Variants in SDK1 observed in about 807,000 individuals in gnomAD.
SDK1 encodes protein sidekick-1.
A neutral mutation model predicts 245.5 loss-of-function variants in SDK1; 157 were observed. The ratio of observed to expected loss-of-function variants is 0.64; its 90% confidence interval spans 0.56 to 0.73. The LOEUF is 0.73. Among genes scored for constraint, SDK1 ranks in the 30% least tolerant of loss-of-function variants. The pLI is 0.00. For missense variants in SDK1, 3,583 were observed against 3,002.3 expected, an observed-to-expected ratio of 1.19 and a Z score of -4.52; for synonymous variants, 1,647 against 1,278.5, an observed-to-expected ratio of 1.29 and a Z score of -6.15.
In SDK1 at chr7:4,135,785, T is replaced by G. The variant is rs113605464; in HGVS notation, c.4228+3362T>G. Among the ~76,000 whole-genome samples the G allele has an allele frequency of 1.4e-3, 217 of 152,290 alleles. 3 individuals are homozygous for G. Among genetic ancestry groups the G allele is most frequent in the African/African-American group, 4.9e-3 (204 of 41,564 alleles). On this transcript the variant is annotated intron_variant, in intron 28 of 44. Transcript: ENST00000404826. Reference sequence around the variant, plus strand: ...TGCTGAGTAAACGTTAGCTTCCGTATCAGATCGAATATTTCATCGTTTCCC... The same window carrying G: ...TGCTGAGTAAACGTTAGCTTCCGTAGCAGATCGAATATTTCATCGTTTCCC...
chr7:4,086,600 C>G (rs762592792), intron 22 of SDK1, among the ~76,000 whole-genome samples: 1 of 152,150 alleles, frequency 6.6e-6, no homozygotes, highest in Non-Finnish European at 1.5e-5. Flanking sequence ...GTCAAGTCCT[C>G]TCAGACTCTG....
chr7:4,201,024 A>T (rs1390849500), intron 35 of SDK1, among the ~76,000 whole-genome samples: 2 of 152,208 alleles, frequency 1.3e-5, no homozygotes, highest in Non-Finnish European at 2.9e-5. Flanking sequence ...CCTGGTGGGC[A>T]GGGCAGATGG....
At chr7:3,750,157 T>A (rs1212224758) in intron 4 of SDK1, among the ~76,000 whole-genome samples, 1 of 152,216 alleles carries the variant, frequency 6.6e-6, no homozygotes. Context: ...AAAAATCACT[T>A]CTTCGTATTT....
chr7:4,019,380 C>G (rs1786683481), intron 17 of SDK1, among the ~76,000 whole-genome samples: 1 of 152,188 alleles, frequency 6.6e-6, no homozygotes, highest in Non-Finnish European at 1.5e-5. Context: ...GTCAGTAGGA[C>G]TTGAGATTTC....
chr7:3,653,965 T>C (rs1245287985), intron 4 of SDK1, among the ~76,000 whole-genome samples: 1 of 152,118 alleles, frequency 6.6e-6, no homozygotes, highest in Non-Finnish European at 1.5e-5. Flanking sequence ...TGTTCAGAGA[T>C]GGAGAGTATA....
intron 4 of SDK1, among the ~76,000 whole-genome samples, chr7:3,789,384 G>A (rs925686792): frequency 1.3e-5 from 2 of 152,202 alleles, no homozygotes; most frequent in Admixed American, 6.5e-5. Flanking sequence ...CCGACCTCAG[G>A]TGATCCACTC....
intron 5 of SDK1, among the ~76,000 whole-genome samples, chr7:3,869,316 C>T (rs1166933388): frequency 2.0e-5 from 3 of 152,002 alleles, no homozygotes; most frequent in African/African-American, 7.2e-5. Flanking sequence ...TCACCAGGCC[C>T]AGCTAATTTT....
intron 1 of SDK1, among the ~76,000 whole-genome samples, chr7:3,317,452 T>C (rs919974008): frequency 1.3e-5 from 2 of 152,176 alleles, no homozygotes; most frequent in African/African-American, 4.8e-5. Context: ...TTTCCCTGTT[T>C]CCTTTAGATG....
intron 39 of SDK1, 65 bp from the exon 40 acceptor site, chr7:4,221,174 C>CA: frequency 6.3e-7 from 1 of 1,590,680 alleles, no homozygotes; most frequent in Non-Finnish European, 8.5e-7. Flanking sequence ...TGTGAAATCT[C>CA]ACGGGGTGGG....
chr7:3,931,373 A>G (rs1459757767), intron 5 of SDK1, among the ~76,000 whole-genome samples: 1 of 152,192 alleles, frequency 6.6e-6, no homozygotes, highest in Non-Finnish European at 1.5e-5. Context: ...TTCCTCTGCC[A>G]TGGTTTTAGA....
chr7:4,072,264 T>G (rs1247197121), intron 20 of SDK1, among the ~76,000 whole-genome samples: 1 of 152,198 alleles, frequency 6.6e-6, no homozygotes, highest in East Asian at 1.9e-4. Flanking sequence ...GCAGCAAAGT[T>G]GCAGTGAGAG....
chr7:3,656,903 G>A (rs1037227991), intron 4 of SDK1, among the ~76,000 whole-genome samples: 3 of 151,946 alleles, frequency 2.0e-5, no homozygotes, highest in South Asian at 2.1e-4. Flanking sequence ...GCCGGCCACC[G>A]CGCCCGGCTA....
intron 35 of SDK1, among the ~76,000 whole-genome samples, chr7:4,180,663 A>T (rs1472307688): frequency 6.6e-6 from 1 of 152,244 alleles, no homozygotes; most frequent in Non-Finnish European, 1.5e-5. Flanking sequence ...ACAATTCTGC[A>T]GGCTGCGCAG....
rs755954355 is a variant in SDK1, at chr7:4,266,005, G to A, written c.*621G>A. On this transcript the variant is annotated 3_prime_UTR_variant, in exon 45 of 45. Transcript: ENST00000404826. ...CTGACGGCCAGGCAGGGATGCTAAG[G>A]TGTGGCTCAGCCGTCACTGTCTGTG... 3.0e-6 allele frequency: 3 copies of A among 985,442 alleles called. No homozygotes were observed. In the African/African-American group the frequency reaches 5.2e-5, roughly 17 times the overall value. The allele number at this position is 985,442 out of a possible 1,614,324, so 61.0% of individuals were successfully genotyped here. A position where few individuals can be genotyped will look rare whatever the true frequency, so the allele number is the denominator to read the frequency against.
chr7:3,572,266 A>G (rs538691831), intron 1 of SDK1, among the ~76,000 whole-genome samples: 2 of 152,122 alleles, frequency 1.3e-5, no homozygotes, highest in African/African-American at 4.8e-5. Flanking sequence ...AGTTTGTTTA[A>G]TGGAATGTCA....
intron 1 of SDK1, among the ~76,000 whole-genome samples, chr7:3,415,768 T>C (rs1779348359): frequency 6.6e-6 from 1 of 151,570 alleles, no homozygotes; most frequent in South Asian, 2.1e-4. Flanking sequence ...TACATGACTG[T>C]ACATTTCTTC....
intron 38 of SDK1, among the ~76,000 whole-genome samples, chr7:4,213,937 C>T (rs761000680): frequency 2.0e-5 from 3 of 152,200 alleles, no homozygotes; most frequent in Non-Finnish European, 2.9e-5. Flanking sequence ...AGGCACCCCC[C>T]AGGTATAATC....
intron 4 of SDK1, among the ~76,000 whole-genome samples, chr7:3,781,010 A>G (rs1230904188): frequency 2.6e-5 from 4 of 152,156 alleles, no homozygotes; most frequent in Non-Finnish European, 4.4e-5. Flanking sequence ...TCAGAAAAGC[A>G]TAGAGGCTAG....
chr7:3,863,796 A>T (rs1018863241), intron 5 of SDK1, among the ~76,000 whole-genome samples: 1 of 152,236 alleles, frequency 6.6e-6, no homozygotes, highest in African/African-American at 2.4e-5. Context: ...AGAATATTCC[A>T]TCGTACGGAT....
Sources: gnomAD v4.1 joint callset for allele counts (sites outside exome capture counted in the v4.1 genomes callset) on GRCh38, gnomAD v4.1.1 for gene constraint, MANE v1.5 for transcripts, NCBI Gene and HGNC (gene_info 2026-07-23, HGNC 2026-07-21) for gene names.